TEX9: variants seen among roughly 807,000 people sequenced by gnomAD.
TEX9 encodes testis expressed 9, also known as testis-expressed protein 9.
Under a neutral mutation model 59.6 loss-of-function variants are expected in TEX9, and 74 were observed. That is an observed-to-expected ratio of 1.24 (90% CI 1.03 to 1.51). TEX9 has a LOEUF of 1.51. Ranked by LOEUF, TEX9 falls within the 40% of genes most tolerant of loss-of-function variation. TEX9 has a pLI of 0.00. For missense variants in TEX9, 522 were observed against 447.8 expected (o/e 1.17, Z -1.49); for synonymous variants, 186 against 152.2 (o/e 1.22, Z -1.64).
At chr15:56,321,851 G>C (rs758890300) in intron 1 of TEX9, among the ~76,000 whole-genome samples, 2 of 152,066 alleles carry the variant, frequency 1.3e-5, no homozygotes, top group African/African-American at 4.8e-5. Flanking sequence ...AATGGTTAGA[G>C]TAAAAATACT....
At chr15:56,275,094 T>A (rs1298369819) in intron 1 of TEX9, among the ~76,000 whole-genome samples, 1 of 152,132 alleles carries the variant, frequency 6.6e-6, no homozygotes, top group Non-Finnish European at 1.5e-5. Flanking sequence ...TGTCCCTATG[T>A]CTAAGGGTGG....
chr15:56,415,689 T>TAA (rs2049645113), intron 10 of TEX9, among the ~76,000 whole-genome samples: 1 of 151,892 alleles, frequency 6.6e-6, no homozygotes, highest in Non-Finnish European at 1.5e-5. Context: ...TCCAACTTTG[T>TAA]TCTTTTTGCT....
intron 1 of TEX9, among the ~76,000 whole-genome samples, chr15:56,263,955 T>A (rs1017509331): frequency 2.6e-5 from 4 of 152,130 alleles, no homozygotes; most frequent in African/African-American, 9.7e-5. Flanking sequence ...GTGAAAGACA[T>A]TTTTGGGGTT....
chr15:56,339,011 C>T (rs571801550), intron 1 of TEX9, among the ~76,000 whole-genome samples: 1 of 152,146 alleles, frequency 6.6e-6, no homozygotes, highest in South Asian at 2.1e-4. Flanking sequence ...ATCCTGAATA[C>T]TTGTCATTTC....
chr15:56,244,256 G>C (rs926738745), exon 1 of TEX9: 2 of 152,248 alleles, frequency 1.3e-5, no homozygotes, highest in African/African-American at 4.8e-5. Flanking sequence ...TCCTCCCTGA[G>C]TAAATGAAGA....
rs772716996 is a variant in TEX9 at position 56,384,125 on chromosome 15, A to G, written c.263+94A>G. On this transcript the variant is annotated intron_variant, in intron 4 of 12. Coordinates refer to ENST00000352903, the Ensembl canonical transcript of TEX9. The stretch of plus-strand genomic sequence containing the variant: ...TTTGCATGCAAACATTGAAAAATCT[A>G]TAATTTGAAGAATAATGTATATATA... The G allele has an allele frequency of 1.7e-4, 171 of 987,060 alleles. 1 individual carries two copies. The highest frequency in any genetic ancestry group is 2.5e-4 in the Non-Finnish European group (163 of 656,146). 61.1% of individuals were successfully genotyped at this position (987,060 alleles called of 1,614,324 possible). A position where few individuals can be genotyped will look rare whatever the true frequency, so the allele number is the denominator to read the frequency against.
intron 1 of TEX9, among the ~76,000 whole-genome samples, chr15:56,266,824 T>A (rs1416839409): frequency 2.0e-5 from 3 of 152,224 alleles, no homozygotes; most frequent in African/African-American, 4.8e-5. Flanking sequence ...TGATTTATAA[T>A]CCTTTGGGTA....
chr15:56,359,446 G>A (rs2046751083), intron 1 of TEX9, among the ~76,000 whole-genome samples: 2 of 151,950 alleles, frequency 1.3e-5, no homozygotes, highest in South Asian at 2.1e-4. Flanking sequence ...TTAAATAAGT[G>A]GAATTATGCA....
chr15:56,419,749 G>C (rs2049878181), intron 10 of TEX9, among the ~76,000 whole-genome samples: 1 of 151,640 alleles, frequency 6.6e-6, no homozygotes. Flanking sequence ...AATTTGTTTT[G>C]GTTTTGGTTT....
chr15:56,316,096 A>G (rs1300722125), intron 1 of TEX9, among the ~76,000 whole-genome samples: 1 of 147,662 alleles, frequency 6.8e-6, no homozygotes, highest in African/African-American at 2.4e-5. Flanking sequence ...TTTGGTTTGA[A>G]TATCCTCCCG....
intron 1 of TEX9, among the ~76,000 whole-genome samples, chr15:56,339,397 A>AAAAC (rs1289840532): frequency 4.9e-5 from 3 of 61,024 alleles, no homozygotes; most frequent in Non-Finnish European, 1.4e-4. Context: ...AAAAAAAAAA[A>AAAAC]AAAAAAAAAA....
chr15:56,413,538 A>T (rs1363327064), intron 10 of TEX9, among the ~76,000 whole-genome samples: 4 of 150,930 alleles, frequency 2.7e-5, no homozygotes, highest in Non-Finnish European at 4.4e-5. Flanking sequence ...TCTACCAATT[A>T]AGCCACTCCC....
chr15:56,283,315 A>G (rs994583143), intron 1 of TEX9, among the ~76,000 whole-genome samples: 6 of 152,168 alleles, frequency 3.9e-5, no homozygotes, highest in African/African-American at 7.2e-5. Context: ...CCTCACTAAA[A>G]ATATTTCTAG....
rs1262432317 is a variant in TEX9 at position 56,252,995 on chromosome 15, AGAG to A, written c.-107+8721_-107+8723del. Among the ~76,000 whole-genome samples the A allele has an allele frequency of 5.3e-5, 8 of 152,284 alleles. No homozygotes were observed. The East Asian group carries it at 1.5e-3, about 29-fold the overall frequency. ...CCCTTCCTTTTTTTCTGGAAGGTAG[AGAG>A]GAGAAGGGAAGGAATAGATTGATGG... On this transcript the variant is annotated intron_variant, in intron 1 of 5. Coordinates refer to the TEX9 transcript ENST00000560827.
chr15:56,245,831 C>G (rs1373294874), intron 1 of TEX9, among the ~76,000 whole-genome samples: 2 of 152,146 alleles, frequency 1.3e-5, no homozygotes, highest in African/African-American at 2.4e-5. Context: ...TATGCTGAAA[C>G]TGGAATTACG....
intron 1 of TEX9, among the ~76,000 whole-genome samples, chr15:56,318,538 G>A (rs967319970): frequency 6.6e-6 from 1 of 151,932 alleles, no homozygotes; most frequent in Non-Finnish European, 1.5e-5. Flanking sequence ...TACTGATGAG[G>A]TAAGATTTAT....
chr15:56,456,351 A>C, the TEX9 span: 1 of 1,558,820 alleles, frequency 6.4e-7, no homozygotes, highest in Non-Finnish European at 8.6e-7. Context: ...TAAGAGTTTA[A>C]AGATAAAGAC....
intron 12 of TEX9, chr15:56,431,508 C>T (rs370531026): frequency 1.2e-6 from 2 of 1,613,086 alleles, no homozygotes; most frequent in Non-Finnish European, 1.7e-6. Context: ...GCTGGAAATG[C>T]AGATCAAATT....
the TEX9 span, among the ~76,000 whole-genome samples, chr15:56,451,152 C>G: frequency 2.0e-5 from 3 of 152,156 alleles, no homozygotes; most frequent in Non-Finnish European, 2.9e-5. Context: ...ATTTGTTCTT[C>G]TGGCCTAAAT....
Sources: allele counts gnomAD v4.1 joint callset (sites outside exome capture counted in the v4.1 genomes callset), GRCh38; gene constraint gnomAD v4.1.1; transcripts MANE v1.5; gene names NCBI Gene and HGNC (gene_info 2026-07-23, HGNC 2026-07-21).